The following WNT2B variants were observed in gnomAD, a reference collection of about 807,000 sequenced individuals.
WNT2B encodes the protein protein Wnt-2b.
Under a neutral mutation model 40.5 loss-of-function variants are expected in WNT2B, and 19 were observed. The ratio of observed to expected loss-of-function variants is 0.47; its 90% CI spans 0.33 to 0.69. WNT2B has a LOEUF of 0.69. Ranked by LOEUF, WNT2B falls within the 30% of genes least tolerant of loss-of-function variation. The probability of loss-of-function intolerance (pLI) is 0.02; values close to 1 mark genes in which losing one functional copy is unlikely to be tolerated. For synonymous variants in WNT2B, 220 were observed against 211.9 expected (o/e 1.04, Z -0.33); for missense variants, 467 against 556.4 (o/e 0.84, Z 1.62).
Position 112,509,505 on chromosome 1 carries a change from G to T in WNT2B, c.182+61G>T. 2 of 1,499,478 alleles carry T rather than the reference G, an allele frequency of 1.3e-6. No homozygotes were observed. The highest frequency in any genetic ancestry group is 1.8e-6 in the Non-Finnish European group (2 of 1,139,972). The allele number at this position is 1,499,478 out of a possible 1,614,324, so 92.9% of individuals were successfully genotyped here. The stretch of plus-strand genomic sequence containing the variant: ...TTGGTAGGAGAGGCCGGAGGCGCCT[G>T]GAGGGACTGGCTGCTCACGGGACCA... On this transcript the variant is annotated intron_variant, in intron 1 of 4. Transcript: ENST00000369684. This position sits in a 1 kb window ranked among gnomAD's most constrained non-coding sequence, Gnocchi z 4.2.
At chr1:112,484,280 TATATATATATACAC>T (rs1651340575) in intron 1 of WNT2B, among the ~76,000 whole-genome samples, 6 of 129,578 alleles carry the variant, frequency 4.6e-5, no homozygotes, top group African/African-American at 1.8e-4. Flanking sequence ...CACATATATA[TATATATATATACAC>T]ACACATATAT....
In WNT2B at chr1:112,525,167, G is replaced by C. The variant is rs897541921; in HGVS notation, c.*4658G>C. 6.6e-6 allele frequency: 1 copy of C among 152,206 alleles called. No homozygotes were observed. Among genetic ancestry groups the C allele is most frequent in the South Asian group, 2.1e-4 (1 of 4,834 alleles). The allele number at this position is 152,206 out of a possible 1,614,324, so 9.4% of individuals were successfully genotyped here. ...GGAGCAGTCTCCTATGACTGCATGG[G>C]GTATAACTGCCAAGCCTACTGCTCA... On this transcript the variant is annotated 3_prime_UTR_variant, in exon 5 of 5. Coordinates refer to ENST00000369684, the MANE Select transcript of WNT2B (RefSeq NM_024494.3).
At chr1:112,519,950 T>C (rs994156352) in intron 4 of WNT2B, among the ~76,000 whole-genome samples, 1 of 149,842 alleles carries the variant, frequency 6.7e-6, no homozygotes, top group Non-Finnish European at 1.5e-5. Context: ...CTTGGCTCAC[T>C]GCAGCCTCGA....
rs118129401 is a variant in WNT2B at position 112,519,354 on chromosome 1, G to A, written c.947-926G>A. Among the ~76,000 whole-genome samples the A allele has an allele frequency of 4.4e-4, 67 of 152,240 alleles. No individual in the cohort carries two copies. The East Asian group carries it at 0.012, about 27-fold the overall frequency. ...TTCCTCCCGTATCCCAGTGACATTT[G>A]GAGACTAATTCTGTAGAAATCAGTT... On this transcript the variant is annotated intron_variant, in intron 4 of 4. Coordinates refer to ENST00000369684, the MANE Select transcript of WNT2B (RefSeq NM_024494.3).
chr1:112,484,205 TTATA>T (rs991719120), intron 1 of WNT2B, among the ~76,000 whole-genome samples: 5 of 119,728 alleles, frequency 4.2e-5, no homozygotes, highest in Non-Finnish European at 8.0e-5. Flanking sequence ...TCCAAAAATT[TTATA>T]TATATATACA....
intron 1 of WNT2B, among the ~76,000 whole-genome samples, chr1:112,472,546 A>AC (rs985209606): frequency 2.0e-5 from 3 of 146,588 alleles, no homozygotes; most frequent in African/African-American, 7.7e-5. Context: ...GTTCCCACCA[A>AC]CCCCCAACCA....
chr1:112,516,910 G>A (rs1322185166), intron 3 of WNT2B, among the ~76,000 whole-genome samples: 3 of 152,224 alleles, frequency 2.0e-5, no homozygotes, highest in African/African-American at 7.2e-5. Context: ...GGAAAGCACT[G>A]TTGGTTCAGG....
intron 1 of WNT2B, chr1:112,491,123 T>A (rs1651589094): frequency 6.3e-7 from 1 of 1,585,438 alleles, no homozygotes; most frequent in Non-Finnish European, 8.6e-7. Context: ...TTATAAAAAA[T>A]AAATTGGCCT....
intron 1 of WNT2B, among the ~76,000 whole-genome samples, chr1:112,485,103 C>T (rs1349999044): frequency 6.6e-6 from 1 of 152,172 alleles, no homozygotes; most frequent in Non-Finnish European, 1.5e-5. Flanking sequence ...ACCAAAACAA[C>T]TTTGAATAAT....
chr1:112,478,698 A>T (rs1651127268), intron 1 of WNT2B, among the ~76,000 whole-genome samples: 1 of 152,234 alleles, frequency 6.6e-6, no homozygotes, highest in South Asian at 2.1e-4. Context: ...AGGTGGAAGG[A>T]TCACTTAAAC....
chr1:112,481,348 G>A (rs1164349320), intron 1 of WNT2B, among the ~76,000 whole-genome samples: 3 of 152,000 alleles, frequency 2.0e-5, no homozygotes, highest in Admixed American at 1.3e-4. Flanking sequence ...AAAACGTTTG[G>A]CAAAGTACAA....
chr1:112,474,312 AT>A (rs34850561), intron 1 of WNT2B, among the ~76,000 whole-genome samples: 78,194 of 150,462 alleles, frequency 0.52, 22,769 homozygotes, highest in South Asian at 0.72. Flanking sequence ...CATCTGACTG[AT>A]TTTTTTTTGT....
At chr1:112,510,889 A>G (rs1652327517) in intron 1 of WNT2B, among the ~76,000 whole-genome samples, 1 of 152,104 alleles carries the variant, frequency 6.6e-6, no homozygotes, top group African/African-American at 2.4e-5. Context: ...TGCCTTCATG[A>G]GCTTGGTCTG....
chr1:112,497,883 A>G (rs1283827615), intron 1 of WNT2B, among the ~76,000 whole-genome samples: 2 of 151,634 alleles, frequency 1.3e-5, no homozygotes, highest in African/African-American at 4.9e-5. Context: ...CTGCTTAGCT[A>G]TTCCTTCCAC....
At chr1:112,482,817 T>C (rs2101057082) in intron 1 of WNT2B, among the ~76,000 whole-genome samples, 1 of 152,290 alleles carries the variant, frequency 6.6e-6, no homozygotes, top group Middle Eastern at 3.4e-3. Context: ...GAAAAAGATA[T>C]CGCATGTCCA....
chr1:112,484,270 C>T lies in WNT2B; in HGVS notation c.-95+16679C>T, dbSNP rs973964071. On this transcript the variant is annotated intron_variant, in intron 1 of 4. Coordinates refer to the WNT2B transcript ENST00000256640. ...ACATATATATACACATATATATATACACATATATATATATATATATACACA... is the reference window on the plus strand; with the variant it reads ...ACATATATATACACATATATATATATACATATATATATATATATATACACA... 4.2e-3 allele frequency among the ~76,000 whole-genome samples: 392 copies of T among 93,098 alleles called. 4 individuals are homozygous for T. Among genetic ancestry groups the T allele is most frequent in the African/African-American group, 0.013 (376 of 28,980 alleles). The allele number at this position is 93,098 out of a possible 152,430, so 61.1% of individuals were successfully genotyped here.
In WNT2B at chr1:112,515,177, C is replaced by G; in HGVS notation, c.403+83C>G. ...GTGGGAAGAGTAGGCAAGATCTCCCCTCTCCTCTCCCACACACTGTTTCAT... is the reference window on the plus strand; with the variant it reads ...GTGGGAAGAGTAGGCAAGATCTCCCGTCTCCTCTCCCACACACTGTTTCAT... On this transcript the variant is annotated intron_variant, in intron 2 of 4. Transcript: ENST00000369684. The surrounding 1 kb of genome is among the most constrained non-coding windows in gnomAD (Gnocchi z 4.4). The G allele has an allele frequency of 1.4e-6, 2 of 1,435,530 alleles. No homozygotes were observed. The highest frequency in any genetic ancestry group is 1.7e-4 in the Middle Eastern group (1 of 5,718). 88.9% of individuals were successfully genotyped at this position (1,435,530 alleles called of 1,614,324 possible). A position where few individuals can be genotyped will look rare whatever the true frequency, so the allele number is the denominator to read the frequency against.
chr1:112,477,948 G>C (rs140530535), intron 1 of WNT2B, among the ~76,000 whole-genome samples: 1 of 152,202 alleles, frequency 6.6e-6, no homozygotes, highest in Admixed American at 6.5e-5. Flanking sequence ...AAAACCAGAA[G>C]AGTGGCTGAG....
Position 112,517,388 on chromosome 1 carries a change from G to A in WNT2B, c.946+3G>A. ...CTGTGTCTTGGACAAGGCTGCAGGT[G>A]AGTAAGGAAGGCAGGCAGGGACATG... On this transcript the variant is annotated splice_donor_region_variant and intron_variant, in intron 4 of 4. Transcript: ENST00000369684. 1 of 1,596,852 alleles carries A rather than the reference G, an allele frequency of 6.3e-7. No individual in the cohort carries two copies. Among genetic ancestry groups the A allele is most frequent in the South Asian group, 1.1e-5 (1 of 90,014 alleles).
Sources: gnomAD v4.1 joint callset for allele counts (sites outside exome capture counted in the v4.1 genomes callset) on GRCh38, gnomAD v4.1.1 for gene constraint, Gnocchi (gnomAD v3.1) non-coding constraint, MANE v1.5 for transcripts, NCBI Gene and HGNC (gene_info 2026-07-23, HGNC 2026-07-21) for gene names.